The following ACSS3 variants were observed in gnomAD, a reference collection of about 807,000 sequenced individuals.
ACSS3 encodes the protein acyl-CoA synthetase short chain family member 3, also known as acyl-CoA synthetase short-chain family member 3, mitochondrial.
Under a neutral mutation model 84.2 loss-of-function variants are expected in ACSS3, and 64 were observed. The ratio of observed to expected loss-of-function variants is 0.76; its 90% CI spans 0.62 to 0.94. The LOEUF (loss-of-function observed/expected upper bound fraction) is 0.94. Among genes scored for constraint, ACSS3 ranks in the 40% least tolerant of loss-of-function variants. The pLI is 0.00. For synonymous variants in ACSS3, 317 were observed against 310.1 expected (o/e 1.02, Z -0.23); for missense variants, 815 against 867.6 (o/e 0.94, Z 0.76).
At chr12:81,173,768 T>C (rs1475483341) in intron 7 of ACSS3, among the ~76,000 whole-genome samples, 1 of 152,160 alleles carries the variant, frequency 6.6e-6, no homozygotes, top group Non-Finnish European at 1.5e-5. Context: ...CAGAGTTTCA[T>C]GGGAAACAGA....
intron 3 of ACSS3, 120 bp downstream of exon 3, chr12:81,135,124 T>C (rs1397567034): frequency 2.4e-6 from 2 of 825,534 alleles, no homozygotes; most frequent in Non-Finnish European, 3.3e-6. Flanking sequence ...AATAGGATGG[T>C]TGATAAATAC....
At chr12:81,124,884 T>G (rs1055823784) in intron 2 of ACSS3, among the ~76,000 whole-genome samples, 1 of 152,238 alleles carries the variant, frequency 6.6e-6, no homozygotes, top group African/African-American at 2.4e-5. Context: ...TTAATCTATC[T>G]TATACCTATC....
intron 9 of ACSS3, among the ~76,000 whole-genome samples, chr12:81,210,480 A>C (rs1252320259): frequency 1.3e-5 from 2 of 152,140 alleles, no homozygotes; most frequent in Non-Finnish European, 2.9e-5. Context: ...AATATATTCC[A>C]CAATAGTATA....
At chr12:81,169,643 C>T (rs6539560) in intron 7 of ACSS3, among the ~76,000 whole-genome samples, 69,805 of 151,878 alleles carry the variant, frequency 0.46, 16,568 homozygotes, top group Non-Finnish European at 0.52. Context: ...TGGAATTGTA[C>T]AAATGCTATG....
At chr12:81,201,213 T>A (rs1355979773) in intron 9 of ACSS3, among the ~76,000 whole-genome samples, 1 of 152,232 alleles carries the variant, frequency 6.6e-6, no homozygotes, top group Non-Finnish European at 1.5e-5. Context: ...GTATCCCCTA[T>A]TAGCCAGGAA....
chr12:81,170,846 T>C (rs775714607), intron 7 of ACSS3, among the ~76,000 whole-genome samples: 3 of 152,112 alleles, frequency 2.0e-5, no homozygotes, highest in Non-Finnish European at 4.4e-5. Flanking sequence ...TTTTATTGCT[T>C]ATGTGTGCAT....
chr12:81,200,889 C>CAAAAAAA (rs35916130), intron 9 of ACSS3, among the ~76,000 whole-genome samples: 1 of 56,492 alleles, frequency 1.8e-5, no homozygotes, highest in African/African-American at 6.3e-5. Context: ...GCAAGACTGT[C>CAAAAAAA]AAAAAAAAAA....
At chr12:81,243,270 G>A (rs951652113) in intron 13 of ACSS3, among the ~76,000 whole-genome samples, 1 of 152,106 alleles carries the variant, frequency 6.6e-6, no homozygotes, top group African/African-American at 2.4e-5. Flanking sequence ...TTGCTTCAAA[G>A]AGAATAAAAT....
At chr12:81,128,654 G>A (rs1336830359) in intron 2 of ACSS3, among the ~76,000 whole-genome samples, 1 of 152,144 alleles carries the variant, frequency 6.6e-6, no homozygotes, top group Admixed American at 6.6e-5. Flanking sequence ...TTCTTCAGTT[G>A]AAAAACTATT....
chr12:81,098,020 T>C (rs1882192470), intron 1 of ACSS3, among the ~76,000 whole-genome samples: 1 of 152,146 alleles, frequency 6.6e-6, no homozygotes, highest in Admixed American at 6.5e-5. Flanking sequence ...GTGTGTTGTT[T>C]GCATGTTCTA....
intron 10 of ACSS3, 128 bp from the exon 11 acceptor site, chr12:81,219,885 G>A: frequency 4.3e-6 from 2 of 470,078 alleles, no homozygotes; most frequent in Non-Finnish European, 7.1e-6. Context: ...ATTTGTTCAT[G>A]GTCTCACAGG....
At position 81,258,238 on chromosome 12, in the gene ACSS3, A is replaced by T. The variant is rs1440856702; in HGVS notation, c.*3316A>T. Reference sequence around the variant, plus strand: ...TAAGTAAATTGTCGAGCCTTATGTGACTAGAAAACAAAGCTTAAACAGAGA... The same window carrying T: ...TAAGTAAATTGTCGAGCCTTATGTGTCTAGAAAACAAAGCTTAAACAGAGA... On this transcript the variant is annotated 3_prime_UTR_variant, in exon 16 of 16. Transcript: ENST00000548058. 6.6e-6 allele frequency: 1 copy of T among 152,146 alleles called. No individual in the cohort carries two copies. Among genetic ancestry groups the T allele is most frequent in the Non-Finnish European group, 1.5e-5 (1 of 67,998 alleles). 9.4% of individuals were successfully genotyped at this position (152,146 alleles called of 1,614,324 possible).
chr12:81,139,097 A>G, intron 3 of ACSS3, 34 bp from the exon 4 acceptor site: 1 of 1,599,272 alleles, frequency 6.3e-7, no homozygotes, highest in Non-Finnish European at 8.5e-7. Context: ...AACATTGTTA[A>G]AGCTTTCTCT....
chr12:81,212,596 A>G (rs2032637232), intron 9 of ACSS3, among the ~76,000 whole-genome samples: 1 of 152,206 alleles, frequency 6.6e-6, no homozygotes, highest in Admixed American at 6.5e-5. Context: ...AGTAAAAAGA[A>G]TACTCCCTTT....
At chr12:81,233,941 A>G (rs2033548122) in intron 13 of ACSS3, among the ~76,000 whole-genome samples, 1 of 151,638 alleles carries the variant, frequency 6.6e-6, no homozygotes, top group Non-Finnish European at 1.5e-5. Context: ...AGTAAAATCT[A>G]CATTATTGTT....
At chr12:81,113,569 G>T (rs1377273170) in intron 2 of ACSS3, among the ~76,000 whole-genome samples, 1 of 152,030 alleles carries the variant, frequency 6.6e-6, no homozygotes, top group Admixed American at 6.6e-5. Context: ...GTATTTGTTT[G>T]CAGAATGGTG....
chr12:81,166,613 C>T (rs1242177837), intron 7 of ACSS3, among the ~76,000 whole-genome samples: 3 of 152,140 alleles, frequency 2.0e-5, no homozygotes, highest in African/African-American at 7.2e-5. Flanking sequence ...ATCAACAGTG[C>T]CAAGTGCTAC....
chr12:81,115,629 A>T (rs370538361), intron 2 of ACSS3, among the ~76,000 whole-genome samples: 1 of 152,060 alleles, frequency 6.6e-6, no homozygotes, highest in Non-Finnish European at 1.5e-5. Context: ...CTGAAATACC[A>T]TTAATATCTT....
At chr12:81,128,345 A>G (rs1304096072) in intron 2 of ACSS3, among the ~76,000 whole-genome samples, 1 of 152,158 alleles carries the variant, frequency 6.6e-6, no homozygotes, top group Non-Finnish European at 1.5e-5. Flanking sequence ...AATTAGTACC[A>G]AAATGATTCA....
Sources: gnomAD v4.1 joint callset for allele counts (sites outside exome capture counted in the v4.1 genomes callset) on GRCh38, gnomAD v4.1.1 for gene constraint, MANE v1.5 for transcripts, NCBI Gene and HGNC (gene_info 2026-07-23, HGNC 2026-07-21) for gene names.